ACAA2: variants seen among roughly 807,000 people sequenced by gnomAD.
ACAA2 encodes the protein 3-ketoacyl-CoA thiolase, mitochondrial.
ACAA2 carries 35 observed loss-of-function variants against 44.8 expected under a neutral mutation model. The observed-to-expected ratio is 0.78, with a 90% CI of 0.60 to 1.04. The LOEUF (loss-of-function observed/expected upper bound fraction) is 1.04. Ranked by LOEUF, ACAA2 falls within the 50% of genes least tolerant of loss-of-function variation. The probability of loss-of-function intolerance (pLI) is 0.00; values close to 1 mark genes in which losing one functional copy is unlikely to be tolerated. For synonymous variants in ACAA2, 142 were observed against 166.5 expected (o/e 0.85, Z 1.13); for missense variants, 468 against 482.6 (o/e 0.97, Z 0.28).
intron 3 of ACAA2, among the ~76,000 whole-genome samples, chr18:49,796,487 G>A (rs966799850): frequency 1.2e-4 from 18 of 152,128 alleles, no homozygotes; most frequent in African/African-American, 3.4e-4. Flanking sequence ...TGTGAAAATT[G>A]TTTTATTAAA....
intron 2 of ACAA2, among the ~76,000 whole-genome samples, chr18:49,801,814 A>ATATATATATATATATATC (rs1491158195): frequency 1.0e-4 from 14 of 134,996 alleles, no homozygotes; most frequent in African/African-American, 3.5e-4. Flanking sequence ...ATATATATAT[A>ATATATATATATATATATC]TCTTATCTTT....
chr18:49,789,496 GTAC>G (rs2023373019), intron 7 of ACAA2, among the ~76,000 whole-genome samples: 1 of 152,102 alleles, frequency 6.6e-6, no homozygotes, highest in African/African-American at 2.4e-5. Context: ...AGCATTCTTT[GTAC>G]TTTAGGGCAA....
rs1598793121 is a variant in ACAA2, at chr18:49,791,518, T to C, written c.835A>G (p.Ile279Val). 6.2e-7 allele frequency: 1 copy of C among 1,612,584 alleles called. No homozygotes were observed. The highest frequency in any genetic ancestry group is 8.5e-7 in the Non-Finnish European group (1 of 1,179,846). Residue 279 changes from isoleucine to valine, a missense_variant, in exon 7 of 10, where the codon ATT becomes GTT. Physicochemically the swap from Ile to Val is conservative, Grantham distance 29. Coordinates refer to ENST00000285093, the MANE Select transcript of ACAA2 (RefSeq NM_006111.3). Reference protein sequence around the residue: ...KKHNFTPLARIVGYFVSGCDP... With the variant: ...KKHNFTPLARVVGYFVSGCDP... Reference sequence around the variant, plus strand: ...CATCCAGATACAAAGTAGCCCACAATTCTTGCCAGTGGTGTGAAGTTATGT... The same window carrying C: ...CATCCAGATACAAAGTAGCCCACAACTCTTGCCAGTGGTGTGAAGTTATGT...
intron 1 of ACAA2, among the ~76,000 whole-genome samples, chr18:49,809,621 C>G (rs2023647118): frequency 6.6e-6 from 1 of 152,210 alleles, no homozygotes; most frequent in African/African-American, 2.4e-5. Flanking sequence ...AGAAGCCAGT[C>G]TGGAAAGGCC....
intron 5 of ACAA2, among the ~76,000 whole-genome samples, 163 bp from the exon 6 acceptor site, chr18:49,792,490 G>A (rs1413871145): frequency 6.6e-6 from 1 of 152,156 alleles, no homozygotes; most frequent in Non-Finnish European, 1.5e-5. Context: ...TGTCGCCTGG[G>A]CTGGAGTGCA....
rs537939004 is a variant in ACAA2, at chr18:49,794,090, G to C, written c.577+190C>G. On this transcript the variant is annotated intron_variant, in intron 5 of 9. Transcript: ENST00000285093. ...TTAAGTAGTACTAACTTTTTCAAAA[G>C]AGAAATTCCTAGTTAATTTTGCAAT... Among the ~76,000 whole-genome samples, 16 of 152,268 alleles carry C rather than the reference G, an allele frequency of 1.1e-4. No individual in the cohort carries two copies. In the South Asian group the frequency reaches 3.1e-3, roughly 30 times the overall value.
intron 5 of ACAA2, among the ~76,000 whole-genome samples, chr18:49,792,988 T>TC (rs914388925): frequency 6.6e-6 from 1 of 152,242 alleles, no homozygotes; most frequent in East Asian, 1.9e-4. Context: ...CAATTTTTTT[T>TC]CACCAGGTAC....
chr18:49,800,195 C>A (rs1226105833), intron 2 of ACAA2, among the ~76,000 whole-genome samples: 5 of 139,496 alleles, frequency 3.6e-5, no homozygotes, highest in African/African-American at 1.1e-4. Flanking sequence ...GCCCCCCGCC[C>A]GGCCAGCCGC....
chr18:49,812,865 T>C (rs1312321302), intron 1 of ACAA2: 4 of 150,878 alleles, frequency 2.7e-5, no homozygotes, highest in Admixed American at 6.6e-5. Flanking sequence ...TAAGATTCCA[T>C]TGACTGTGCC....
intron 6 of ACAA2, 23 bp from the exon 7 acceptor site, chr18:49,791,622 T>TAACTA (rs1380417938): frequency 6.2e-7 from 1 of 1,610,058 alleles, no homozygotes; most frequent in Non-Finnish European, 8.5e-7. Flanking sequence ...AATACTAGAT[T>TAACTA]AACTAAAGGC....
intron 7 of ACAA2, among the ~76,000 whole-genome samples, chr18:49,787,896 T>C (rs1229556309): frequency 9.2e-5 from 14 of 152,166 alleles, no homozygotes; most frequent in Admixed American, 8.5e-4. Flanking sequence ...GAAGTTACTG[T>C]GGCTACACTC....
chr18:49,800,607 G>A lies in ACAA2; in HGVS notation c.183+2080C>T, dbSNP rs575275906. Among the ~76,000 whole-genome samples the A allele has an allele frequency of 9.8e-4, 149 of 152,238 alleles. 1 individual carries two copies. Among genetic ancestry groups the A allele is most frequent in the Admixed American group, 1.4e-3 (22 of 15,304 alleles). ...GATCTGTGACCTTACCCCCAACCCC[G>A]TGCTCTCTGAAACATGTGCTGTGTC... On this transcript the variant is annotated intron_variant, in intron 2 of 9. Transcript: ENST00000285093.
At chr18:49,799,255 C>G (rs1160030992) in intron 2 of ACAA2, among the ~76,000 whole-genome samples, 2 of 152,082 alleles carry the variant, frequency 1.3e-5, no homozygotes, top group African/African-American at 2.4e-5. Flanking sequence ...CGGTCTCCCT[C>G]TGATGCCTAG....
At chr18:49,813,170 GGT>G (rs1315667853) in intron 1 of ACAA2, 2 of 330,454 alleles carry the variant, frequency 6.1e-6, no homozygotes, top group African/African-American at 4.2e-5. Context: ...GAACTAGTGG[GGT>G]CACTGTTAGG....
chr18:49,801,813 T>C (rs1427813632), intron 2 of ACAA2, among the ~76,000 whole-genome samples: 1 of 136,562 alleles, frequency 7.3e-6, no homozygotes, highest in African/African-American at 2.6e-5. Context: ...TATATATATA[T>C]ATCTTATCTT....
At chr18:49,807,256 A>G (rs1000221073) in intron 1 of ACAA2, among the ~76,000 whole-genome samples, 1 of 152,200 alleles carries the variant, frequency 6.6e-6, no homozygotes, top group Non-Finnish European at 1.5e-5. Context: ...TTAGTTGGGC[A>G]TAGTGGCATG....
At chr18:49,787,260 T>TATAA in intron 8 of ACAA2, 31 bp downstream of exon 8, 1 of 1,023,526 alleles carries the variant, frequency 9.8e-7, no homozygotes, top group Middle Eastern at 3.4e-4. Context: ...TTCATGTTGT[T>TATAA]AAAAAAAAAA....
At chr18:49,809,257 C>T (rs138571974) in intron 1 of ACAA2, among the ~76,000 whole-genome samples, 12,322 of 152,198 alleles carry the variant, frequency 0.081, 570 homozygotes, top group African/African-American at 0.13. Context: ...CTCAAACACA[C>T]GTTTTACAAT....
intron 1 of ACAA2, among the ~76,000 whole-genome samples, chr18:49,810,044 T>C (rs1256155689): frequency 6.6e-6 from 1 of 152,202 alleles, no homozygotes; most frequent in Non-Finnish European, 1.5e-5. Flanking sequence ...ACAAAGTTTG[T>C]AAATTTTTTC....
Sources: gnomAD v4.1 joint callset for allele counts (sites outside exome capture counted in the v4.1 genomes callset) on GRCh38, gnomAD v4.1.1 for gene constraint, MANE v1.5 for transcripts, NCBI Gene and HGNC (gene_info 2026-07-23, HGNC 2026-07-21) for gene names.